The following CTNNA3 variants were observed in gnomAD, a reference collection of about 807,000 sequenced individuals.
CTNNA3 encodes catenin alpha 3, also known as catenin alpha-3.
In CTNNA3, 76 loss-of-function variants were observed where a neutral mutation model predicts 95.7. The ratio of observed to expected loss-of-function variants is 0.79; its 90% CI spans 0.66 to 0.96. The LOEUF is 0.96. Among genes scored for constraint, CTNNA3 ranks in the 40% least tolerant of loss-of-function variants. CTNNA3 has a pLI of 0.00. For synonymous variants in CTNNA3, 431 were observed against 374.4 expected (o/e 1.15, Z -1.74); for missense variants, 1,191 against 1,089.8 (o/e 1.09, Z -1.31).
At chr10:67,630,898 T>C (rs1839124272) in intron 2 of CTNNA3, among the ~76,000 whole-genome samples, 1 of 152,196 alleles carries the variant, frequency 6.6e-6, no homozygotes, top group Non-Finnish European at 1.5e-5. Context: ...TTAACTCACA[T>C]TCAACATAAA....
intron 7 of CTNNA3, among the ~76,000 whole-genome samples, chr10:66,780,877 T>G (rs1840507004): frequency 6.6e-6 from 1 of 152,176 alleles, no homozygotes; most frequent in South Asian, 2.1e-4. Context: ...CCTAAATTGT[T>G]TCTATATTCC....
At chr10:67,731,465 A>G (rs1229924751) in intron 1 of CTNNA3, among the ~76,000 whole-genome samples, 2 of 150,054 alleles carry the variant, frequency 1.3e-5, no homozygotes, top group Non-Finnish European at 3.0e-5. Context: ...TGGGTGACAG[A>G]GCAAGACTCT....
At chr10:67,223,332 T>C (rs999227324) in intron 5 of CTNNA3, among the ~76,000 whole-genome samples, 4 of 152,242 alleles carry the variant, frequency 2.6e-5, no homozygotes, top group Non-Finnish European at 4.4e-5. Context: ...GATGATACCA[T>C]AGGTTCAAAG....
intron 7 of CTNNA3, among the ~76,000 whole-genome samples, chr10:67,050,592 T>C (rs1294331704): frequency 2.0e-5 from 3 of 152,170 alleles, no homozygotes; most frequent in Non-Finnish European, 4.4e-5. Context: ...TGGGAGACAT[T>C]GTTCTGCTGT....
chr10:67,502,187 T>C (rs182920318), intron 5 of CTNNA3, among the ~76,000 whole-genome samples: 1 of 152,300 alleles, frequency 6.6e-6, no homozygotes, highest in Non-Finnish European at 1.5e-5. Context: ...TTGATGCTAT[T>C]CCTTTCTGTT....
chr10:67,081,619 G>A (rs982192413), intron 7 of CTNNA3, among the ~76,000 whole-genome samples: 7 of 152,172 alleles, frequency 4.6e-5, no homozygotes, highest in Non-Finnish European at 1.0e-4. Flanking sequence ...TGCTATGCCT[G>A]TATTCTCATA....
chr10:66,258,240 G>T (rs1279860913), intron 13 of CTNNA3, among the ~76,000 whole-genome samples: 1 of 152,084 alleles, frequency 6.6e-6, no homozygotes, highest in East Asian at 1.9e-4. Flanking sequence ...GCTGACTGTG[G>T]ATACAAAGTA....
chr10:66,450,328 G>C (rs2093455194), intron 11 of CTNNA3, among the ~76,000 whole-genome samples: 1 of 152,058 alleles, frequency 6.6e-6, no homozygotes, highest in South Asian at 2.1e-4. Context: ...CATAAATATA[G>C]CTGGGAGAAA....
Position 66,577,498 on chromosome 10 carries a change from G to C in CTNNA3, c.1374+44194C>G, listed in dbSNP as rs565531221. Among the ~76,000 whole-genome samples, 18 of 152,018 alleles carry C rather than the reference G, an allele frequency of 1.2e-4. 1 individual carries two copies. The highest frequency in any genetic ancestry group is 3.6e-4 in the African/African-American group (15 of 41,458). On this transcript the variant is annotated intron_variant, in intron 10 of 17. Coordinates refer to ENST00000433211, the MANE Select transcript of CTNNA3 (RefSeq NM_013266.4). Reference sequence around the variant, plus strand: ...TTTTTAACCCATCTTGAGTTAATTTGGGTATATGGTGAAAGGAAGGGGTTC... The same window carrying C: ...TTTTTAACCCATCTTGAGTTAATTTCGGTATATGGTGAAAGGAAGGGGTTC...
At chr10:66,366,402 A>C (rs2092711549) in intron 12 of CTNNA3, among the ~76,000 whole-genome samples, 1 of 152,210 alleles carries the variant, frequency 6.6e-6, no homozygotes, top group Non-Finnish European at 1.5e-5. Flanking sequence ...TATTGTCTAC[A>C]TATGTGTTCC....
At chr10:66,896,814 C>A (rs1391639280) in intron 7 of CTNNA3, among the ~76,000 whole-genome samples, 3 of 152,128 alleles carry the variant, frequency 2.0e-5, no homozygotes, top group Non-Finnish European at 4.4e-5. Context: ...TACCTTTAAC[C>A]TGGTTAACTT....
intron 15 of CTNNA3, among the ~76,000 whole-genome samples, chr10:66,062,711 T>C (rs1472574706): frequency 2.0e-5 from 3 of 152,296 alleles, no homozygotes; most frequent in East Asian, 3.9e-4. Flanking sequence ...TAAAATTCAA[T>C]TTTACTACCC....
intron 6 of CTNNA3, among the ~76,000 whole-genome samples, chr10:67,200,270 A>C (rs1204372807): frequency 6.6e-6 from 1 of 152,054 alleles, no homozygotes; most frequent in African/African-American, 2.4e-5. Flanking sequence ...TGGTGGGGGG[A>C]AAGTATGTAG....
chr10:67,567,947 T>G (rs1476629406), intron 3 of CTNNA3, among the ~76,000 whole-genome samples: 2 of 152,100 alleles, frequency 1.3e-5, no homozygotes, highest in Admixed American at 1.3e-4. Flanking sequence ...ATTTAGTATA[T>G]TAATGCAGGA....
At chr10:67,723,228 C>T (rs942594308) in intron 1 of CTNNA3, among the ~76,000 whole-genome samples, 2 of 151,510 alleles carry the variant, frequency 1.3e-5, no homozygotes, top group South Asian at 4.2e-4. Flanking sequence ...CTCAGGTGAT[C>T]TGTCCCACTT....
At chr10:66,443,988 T>C (rs368713456) in intron 11 of CTNNA3, among the ~76,000 whole-genome samples, 1 of 152,030 alleles carries the variant, frequency 6.6e-6, no homozygotes, top group Non-Finnish European at 1.5e-5. Flanking sequence ...AAGGAGCTGA[T>C]GGAGTTGAAA....
intron 11 of CTNNA3, among the ~76,000 whole-genome samples, chr10:66,438,884 A>G (rs1386735595): frequency 6.6e-6 from 1 of 152,160 alleles, no homozygotes; most frequent in Non-Finnish European, 1.5e-5. Flanking sequence ...AGCAAAGTAT[A>G]TGGGCCAGAG....
chr10:67,059,432 T>A (rs943936136), intron 7 of CTNNA3, among the ~76,000 whole-genome samples: 36 of 152,064 alleles, frequency 2.4e-4, no homozygotes, highest in Non-Finnish European at 7.4e-5. Flanking sequence ...TGGAGGGGTA[T>A]TTGGGCACAG....
At chr10:65,955,029 T>G (rs1697209514) in intron 17 of CTNNA3, among the ~76,000 whole-genome samples, 1 of 152,220 alleles carries the variant, frequency 6.6e-6, no homozygotes, top group African/African-American at 2.4e-5. Context: ...GCATGGAATG[T>G]TCTTCCATTT....
Sources: allele counts gnomAD v4.1 joint callset (sites outside exome capture counted in the v4.1 genomes callset), GRCh38; gene constraint gnomAD v4.1.1; transcripts MANE v1.5; gene names NCBI Gene and HGNC (gene_info 2026-07-23, HGNC 2026-07-21).